ZDHHC7: variants seen among roughly 807,000 people sequenced by gnomAD.
ZDHHC7 encodes palmitoyltransferase ZDHHC7.
Under a neutral mutation model 34.1 loss-of-function variants are expected in ZDHHC7, and 12 were observed. That is an observed-to-expected ratio of 0.35 (90% confidence interval 0.23 to 0.57). ZDHHC7 has a LOEUF of 0.57. Ranked by LOEUF, ZDHHC7 falls within the 20% of genes least tolerant of loss-of-function variation. The pLI is 0.84. For synonymous variants in ZDHHC7, 185 were observed against 155.4 expected, an observed-to-expected ratio of 1.19 and a Z score of -1.42; for missense variants, 388 against 402.7, an observed-to-expected ratio of 0.96 and a Z score of 0.31.
At chr16:84,987,772 C>G (rs1417392686) in intron 3 of ZDHHC7, among the ~76,000 whole-genome samples, 1 of 152,134 alleles carries the variant, frequency 6.6e-6, no homozygotes, top group African/African-American at 2.4e-5. Context: ...AGCCTTAAAC[C>G]AAATGAAGCA....
At chr16:85,019,423 A>T in the ZDHHC7 span, among the ~76,000 whole-genome samples, 4 of 150,856 alleles carry the variant, frequency 2.7e-5, no homozygotes, top group Non-Finnish European at 4.4e-5. Flanking sequence ...CTCTAAAAAG[A>T]AGTAGTCATC....
At chr16:84,999,813 T>C (rs1446317424) in intron 1 of ZDHHC7, among the ~76,000 whole-genome samples, 1 of 152,102 alleles carries the variant, frequency 6.6e-6, no homozygotes, top group Non-Finnish European at 1.5e-5. Context: ...CAAAACAAAA[T>C]ACAATTCGCT....
At chr16:84,995,872 AG>A (rs2072570550) in intron 2 of ZDHHC7, 49 bp downstream of exon 2, 1 of 152,210 alleles carries the variant, frequency 6.6e-6, no homozygotes, top group Non-Finnish European at 1.5e-5. Flanking sequence ...AGCTAGTGTC[AG>A]CTGTGAGAAA....
Position 84,979,201 on chromosome 16 carries a change from A to G in ZDHHC7, c.525T>C (p.Phe175=). The G allele has an allele frequency of 6.3e-7, 1 of 1,597,980 alleles. No homozygotes were observed. The highest frequency in any genetic ancestry group is 8.5e-7 in the Non-Finnish European group (1 of 1,175,884). Residue 175 remains phenylalanine, a synonymous_variant, in exon 5 of 8, where the codon TTT becomes TTC. Coordinates refer to ENST00000313732, the MANE Select transcript of ZDHHC7 (RefSeq NM_017740.3). ...TATTTTTACTTACAGTGAAGAGCAC[A>G]AAAAATCTTTGATTCTTTTCTCCTA... is the stretch of plus-strand genomic sequence containing the variant. ...NCVGEKNQRF[F]VLFTMYIALS...
At chr16:84,983,192 A>T (rs1361588754) in intron 3 of ZDHHC7, among the ~76,000 whole-genome samples, 2 of 152,222 alleles carry the variant, frequency 1.3e-5, no homozygotes, top group African/African-American at 4.8e-5. Flanking sequence ...TGGGAACAGC[A>T]GTCAGGGCTG....
At chr16:84,994,418 C>T (rs1292468102) in intron 2 of ZDHHC7, among the ~76,000 whole-genome samples, 1 of 152,196 alleles carries the variant, frequency 6.6e-6, no homozygotes, top group Non-Finnish European at 1.5e-5. Flanking sequence ...TAATAGGACA[C>T]GTTCCATGAG....
chr16:84,980,261 G>A (rs1011943061), intron 4 of ZDHHC7, among the ~76,000 whole-genome samples: 4 of 148,732 alleles, frequency 2.7e-5, no homozygotes, highest in Non-Finnish European at 5.9e-5. Flanking sequence ...CACCGCACCC[G>A]CCCATAGCGT....
At chr16:85,000,810 G>A (rs1228070643) in intron 1 of ZDHHC7, among the ~76,000 whole-genome samples, 2 of 152,208 alleles carry the variant, frequency 1.3e-5, no homozygotes, top group Non-Finnish European at 1.5e-5. Flanking sequence ...CTGAGCCACA[G>A]GAGCAGAGCG....
In ZDHHC7 at chr16:85,003,945, AC is replaced by A. The variant is rs562791202; in HGVS notation, c.-104+7340del. ...CTCCACCCATGTAAACGCCGGGAGC[AC>A]CCGGGCTTAGTCCTCGGCCTTCCCT... On this transcript the variant is annotated intron_variant, in intron 1 of 7. Transcript: ENST00000313732. Among the ~76,000 whole-genome samples, 32 of 152,194 alleles carry A rather than the reference AC, an allele frequency of 2.1e-4. No homozygotes were observed. In the South Asian group the frequency reaches 6.6e-3, roughly 32 times the overall value.
At chr16:84,983,309 C>T (rs1337256180) in intron 3 of ZDHHC7, among the ~76,000 whole-genome samples, 1 of 152,214 alleles carries the variant, frequency 6.6e-6, no homozygotes, top group Non-Finnish European at 1.5e-5. Context: ...CAGCAGATGG[C>T]CCTGCTGGAG....
intron 3 of ZDHHC7, among the ~76,000 whole-genome samples, chr16:84,984,274 G>C (rs1460475587): frequency 6.6e-6 from 1 of 152,126 alleles, no homozygotes; most frequent in African/African-American, 2.4e-5. Flanking sequence ...AACCGCCTCA[G>C]CTTCTCAAAG....
In ZDHHC7 at chr16:84,994,215, G is replaced by A. The variant is rs1378855425; in HGVS notation, c.-18+1707C>T. Reference sequence around the variant, plus strand: ...CCTCATGCCTTGCATGCTGTCTGGCGCACAGCAAGGGCATGTTTGCTAAAA... The same window carrying A: ...CCTCATGCCTTGCATGCTGTCTGGCACACAGCAAGGGCATGTTTGCTAAAA... On this transcript the variant is annotated intron_variant, in intron 2 of 7. Transcript: ENST00000313732. Among the ~76,000 whole-genome samples the A allele has an allele frequency of 3.3e-5, 5 of 152,322 alleles. No homozygotes were observed. In the East Asian group the frequency reaches 7.7e-4, roughly 24 times the overall value.
the ZDHHC7 span, among the ~76,000 whole-genome samples, chr16:85,024,231 T>G: frequency 3.1e-4 from 19 of 61,624 alleles, no homozygotes; most frequent in African/African-American, 4.0e-4. Flanking sequence ...GAGTTTTTTG[T>G]TTTTTTTTTT....
intron 4 of ZDHHC7, 77 bp downstream of exon 4, chr16:84,981,793 C>T (rs2072372094): frequency 5.0e-6 from 8 of 1,606,288 alleles, no homozygotes; most frequent in South Asian, 2.2e-5. Context: ...CGGTGGTGGG[C>T]GCACTCTGGT....
chr16:85,025,748 C>G, the ZDHHC7 span, among the ~76,000 whole-genome samples: 4 of 152,248 alleles, frequency 2.6e-5, no homozygotes, highest in Non-Finnish European at 5.9e-5. Flanking sequence ...GTTTCCATCA[C>G]TATAACTGAA....
At chr16:84,987,266 A>G (rs533711384) in intron 3 of ZDHHC7, among the ~76,000 whole-genome samples, 1 of 152,208 alleles carries the variant, frequency 6.6e-6, no homozygotes, top group Non-Finnish European at 1.5e-5. Flanking sequence ...GCTTCCAAAG[A>G]AGACACACAA....
chr16:85,012,265 C>T (rs1231458730), upstream of ZDHHC7, among the ~76,000 whole-genome samples: 1 of 151,812 alleles, frequency 6.6e-6, no homozygotes, highest in African/African-American at 2.4e-5. Context: ...CGCCTGTAAT[C>T]CCAGCAGCTA....
the ZDHHC7 span, among the ~76,000 whole-genome samples, chr16:85,020,977 C>T: frequency 1.3e-5 from 2 of 152,064 alleles, no homozygotes; most frequent in African/African-American, 2.4e-5. Flanking sequence ...AGGTGGCACA[C>T]ACCTGTAGTG....
intron 5 of ZDHHC7, among the ~76,000 whole-genome samples, chr16:84,978,862 CAA>C (rs200114312): frequency 9.3e-5 from 10 of 107,432 alleles, no homozygotes; most frequent in Non-Finnish European, 9.7e-5. Context: ...AACTCCATCT[CAA>C]AAAAAAAAAA....
Sources: allele counts gnomAD v4.1 joint callset (sites outside exome capture counted in the v4.1 genomes callset), GRCh38; gene constraint gnomAD v4.1.1; transcripts MANE v1.5; gene names NCBI Gene and HGNC (gene_info 2026-07-23, HGNC 2026-07-21).